Variants in DMD observed in about 807,000 individuals in gnomAD.
DMD encodes the protein dystrophin, also known as mutant dystrophin.
Under a neutral mutation model 330.1 loss-of-function variants are expected in DMD, and 63 were observed. That is an observed-to-expected ratio of 0.19 (90% CI 0.16 to 0.24). The LOEUF (loss-of-function observed/expected upper bound fraction) is 0.24. Among genes scored for constraint, DMD ranks in the 10% least tolerant of loss-of-function variants. The probability of loss-of-function intolerance (pLI) is 1.00; values close to 1 mark genes in which losing one functional copy is unlikely to be tolerated. For missense variants in DMD, 3,344 were observed against 2,684.1 expected, an observed-to-expected ratio of 1.25 and a Z score of -5.43; for synonymous variants, 1,223 against 959.8, an observed-to-expected ratio of 1.27 and a Z score of -5.07.
intron 1 of DMD, among the ~76,000 whole-genome samples, chrX:33,157,184 A>C (rs2048545441): frequency 9.0e-6 from 1 of 111,425 alleles, no homozygotes; most frequent in Non-Finnish European, 1.9e-5. Flanking sequence ...TCAAAATCAA[A>C]GTATTAGCAG....
chrX:32,605,244 A>G (rs988831849), intron 12 of DMD, among the ~76,000 whole-genome samples: 1 of 110,516 alleles, frequency 9.0e-6, no homozygotes, highest in African/African-American at 3.3e-5. Flanking sequence ...CAGATATAAA[A>G]CCACATATCT....
intron 54 of DMD, among the ~76,000 whole-genome samples, chrX:31,629,159 G>T (rs2079012200): frequency 9.0e-6 from 1 of 111,024 alleles, no homozygotes; most frequent in Non-Finnish European, 1.9e-5. Flanking sequence ...AGCTAAAAAT[G>T]GATTTTAAAA....
chrX:32,412,317 C>T, intron 29 of DMD: 1 of 723,573 alleles, frequency 1.4e-6, no homozygotes, highest in Non-Finnish European at 1.9e-6. Flanking sequence ...CAATTCAAGA[C>T]AGATAATCTG....
intron 1 of DMD, among the ~76,000 whole-genome samples, chrX:33,304,736 C>A (rs1376318176): frequency 4.9e-4 from 49 of 100,473 alleles, no homozygotes; most frequent in African/African-American, 1.7e-3. Flanking sequence ...AACAAACAAC[C>A]CCATCAAAAA....
chrX:32,303,482 A>G (rs903630350), intron 42 of DMD, among the ~76,000 whole-genome samples: 3 of 111,350 alleles, frequency 2.7e-5, no homozygotes, highest in African/African-American at 9.8e-5. Context: ...GGTTATACAT[A>G]TACTTAAATG....
intron 52 of DMD, among the ~76,000 whole-genome samples, chrX:31,717,892 G>A (rs1022785007): frequency 4.5e-5 from 5 of 111,662 alleles, no homozygotes; most frequent in Admixed American, 2.9e-4. Flanking sequence ...CCAGTTCTAC[G>A]TTTTTCTGAG....
At chrX:32,439,920 T>C (rs187975464) in intron 28 of DMD, among the ~76,000 whole-genome samples, 53 of 111,181 alleles carry the variant, frequency 4.8e-4, no homozygotes, top group Non-Finnish European at 8.3e-4. Flanking sequence ...TCGTCTAAAA[T>C]AGTAAATAGT....
chrX:33,238,232 C>T (rs954819496), intron 1 of DMD, among the ~76,000 whole-genome samples: 30 of 111,909 alleles, frequency 2.7e-4, no homozygotes, highest in African/African-American at 9.7e-4. Flanking sequence ...CTCACTTGAG[C>T]ACATATGTTT....
chrX:31,474,712 A>T lies in DMD; in HGVS notation c.8937+3394T>A, dbSNP rs749053122. ...TGACAGAGCGAGACTGTCGCAAAAAAAAAATAAAATAAAATAAAATAAAAT... is the reference window on the plus strand; with the variant it reads ...TGACAGAGCGAGACTGTCGCAAAAATAAAATAAAATAAAATAAAATAAAAT... On this transcript the variant is annotated intron_variant, in intron 59 of 78. Coordinates refer to ENST00000357033, the MANE Select transcript of DMD (RefSeq NM_004006.3). 8.6e-4 allele frequency among the ~76,000 whole-genome samples: 83 copies of T among 96,022 alleles called. 1 individual carries two copies. The highest frequency in any genetic ancestry group is 2.4e-3 in the African/African-American group (55 of 23,238). 83.4% of individuals were successfully genotyped at this position (96,022 alleles called of 115,157 possible). A position where few individuals can be genotyped will look rare whatever the true frequency, so the allele number is the denominator to read the frequency against.
chrX:32,169,811 T>G (rs72626021), intron 44 of DMD, among the ~76,000 whole-genome samples: 3,393 of 110,463 alleles, frequency 0.031, 133 homozygotes, highest in Admixed American at 0.17. Flanking sequence ...AATTGAAGAG[T>G]GTTGTGACAT....
At chrX:31,536,013 C>T (rs1217921194) in intron 55 of DMD, among the ~76,000 whole-genome samples, 1 of 111,986 alleles carries the variant, frequency 8.9e-6, no homozygotes, top group Non-Finnish European at 1.9e-5. Flanking sequence ...AAGGGTAAAA[C>T]TGTTTGCACA....
chrX:32,390,631 TATA>T (rs1310584942), intron 30 of DMD, among the ~76,000 whole-genome samples: 2 of 111,962 alleles, frequency 1.8e-5, no homozygotes, highest in African/African-American at 6.5e-5. Context: ...AGGGATGAGA[TATA>T]ATGAGAAAAT....
chrX:32,395,421 G>A (rs776764141), intron 30 of DMD, among the ~76,000 whole-genome samples: 22 of 29,330 alleles, frequency 7.5e-4, no homozygotes, highest in Middle Eastern at 0.012. Context: ...AGGGCCTGTC[G>A]TGGGGTGGGG....
intron 2 of DMD, among the ~76,000 whole-genome samples, chrX:32,974,372 A>G (rs184696704): frequency 9.0e-6 from 1 of 111,314 alleles, no homozygotes; most frequent in Admixed American, 9.7e-5. Flanking sequence ...GATAGTGATG[A>G]TAGTTGCATA....
At chrX:31,269,416 C>T (rs891213164) in intron 62 of DMD, among the ~76,000 whole-genome samples, 5 of 111,157 alleles carry the variant, frequency 4.5e-5, no homozygotes, top group African/African-American at 1.6e-4. Context: ...AGCTCTGCTA[C>T]CAGAACAAAC....
intron 74 of DMD, among the ~76,000 whole-genome samples, chrX:31,164,916 G>C (rs1273825141): frequency 1.8e-5 from 2 of 111,040 alleles, no homozygotes; most frequent in African/African-American, 6.6e-5. Context: ...TACAACTGCA[G>C]TTTCCCTCAA....
chrX:32,678,809 A>G (rs1200573659), intron 9 of DMD, among the ~76,000 whole-genome samples: 1 of 111,909 alleles, frequency 8.9e-6, no homozygotes, highest in South Asian at 3.7e-4. Context: ...ACTCCTGTGA[A>G]TAATTCTAAT....
intron 9 of DMD, among the ~76,000 whole-genome samples, chrX:32,668,505 T>A (rs1179684956): frequency 8.9e-6 from 1 of 112,166 alleles, no homozygotes; most frequent in Non-Finnish European, 1.9e-5. Context: ...TTCCTTCGCA[T>A]CTCTGCATTA....
In DMD at chrX:32,485,033, G is replaced by A. The variant is rs1048286211; in HGVS notation, c.2689C>T (p.Leu897=). Residue 897 remains leucine (L), a synonymous_variant, in exon 21 of 79, where the codon CTG becomes TTG. Coordinates refer to ENST00000357033, the MANE Select transcript of DMD (RefSeq NM_004006.3). ...ATGGGTCCTTGTCCTTTCTCTTTCA[G>A]GGCTATGCTTTGAATTTTTAATCGT... is the stretch of plus-strand genomic sequence containing the variant. ...IERLKIQSIA[L]KEKGQGPMFL... is the part of the protein sequence containing the mutation. 1 of 1,211,155 alleles carries A rather than the reference G, an allele frequency of 8.3e-7. No homozygotes were observed. Among genetic ancestry groups the A allele is most frequent in the South Asian group, 1.8e-5 (1 of 56,988 alleles).
Sources: gnomAD v4.1 joint callset for allele counts (sites outside exome capture counted in the v4.1 genomes callset) on GRCh38, gnomAD v4.1.1 for gene constraint, MANE v1.5 for transcripts, NCBI Gene and HGNC (gene_info 2026-07-23, HGNC 2026-07-21) for gene names.